The following LIN28B variants were observed in gnomAD, a reference collection of about 807,000 sequenced individuals.
LIN28B encodes lin-28 RNA binding posttranscriptional regulator B, also known as protein lin-28 homolog B.
LIN28B carries 5 observed loss-of-function variants against 21.9 expected under a neutral mutation model. The observed-to-expected ratio is 0.23, with a 90% CI of 0.12 to 0.48. The LOEUF is 0.48. LIN28B is among the 20% of genes least tolerant of loss of function. The probability of loss-of-function intolerance (pLI) is 0.98; values close to 1 mark genes in which losing one functional copy is unlikely to be tolerated. For synonymous variants in LIN28B, 109 were observed against 111.3 expected (o/e 0.98, Z 0.13); for missense variants, 245 against 310.5 (o/e 0.79, Z 1.58).
chr6:104,976,669 C>T (rs1770101654), intron 2 of LIN28B, among the ~76,000 whole-genome samples: 1 of 152,074 alleles, frequency 6.6e-6, no homozygotes, highest in Non-Finnish European at 1.5e-5. Context: ...TTGAGATGGG[C>T]CTTGGAAATA....
At chr6:105,033,517 C>A (rs1020120291) in intron 3 of LIN28B, among the ~76,000 whole-genome samples, 1 of 152,026 alleles carries the variant, frequency 6.6e-6, no homozygotes, top group East Asian at 1.9e-4. Context: ...CGTCCACTTA[C>A]AACTTTCTGG....
In LIN28B at chr6:105,070,591, A is replaced by ACCAC. The variant is rs1772311690; in HGVS notation, c.384-7822_384-7819dup. On this transcript the variant is annotated intron_variant, in intron 3 of 3. Transcript: ENST00000345080. ...GCAAAACTCTATCTCTATCAATAAA[A>ACCAC]CCACACACACACACACACACACACA... Among the ~76,000 whole-genome samples, 4 of 22,956 alleles carry ACCAC rather than the reference A, an allele frequency of 1.7e-4. No homozygotes were observed. The South Asian group carries it at 6.8e-3, about 39-fold the overall frequency. The allele number at this position is 22,956 out of a possible 152,430, so 15.1% of individuals were successfully genotyped here.
intron 3 of LIN28B, among the ~76,000 whole-genome samples, chr6:105,034,371 C>G (rs1156840708): frequency 6.6e-6 from 1 of 151,770 alleles, no homozygotes; most frequent in Non-Finnish European, 1.5e-5. Flanking sequence ...GTTTTTATAA[C>G]TACGTTAGTA....
intron 2 of LIN28B, among the ~76,000 whole-genome samples, chr6:104,993,117 T>C (rs1770528748): frequency 6.6e-6 from 1 of 152,174 alleles, no homozygotes; most frequent in Non-Finnish European, 1.5e-5. Context: ...CTTTAAAATA[T>C]TTTCTTTAAC....
At chr6:105,047,009 C>G (rs1771783359) in intron 3 of LIN28B, among the ~76,000 whole-genome samples, 1 of 152,148 alleles carries the variant, frequency 6.6e-6, no homozygotes, top group Non-Finnish European at 1.5e-5. Context: ...TGTGCAGAAG[C>G]TCTTTAGTTT....
At chr6:105,015,369 G>T (rs184709666) in intron 2 of LIN28B, among the ~76,000 whole-genome samples, 104 of 152,132 alleles carry the variant, frequency 6.8e-4, no homozygotes, top group African/African-American at 2.4e-3. Context: ...TTACATGATT[G>T]TCTTTTTCTG....
chr6:105,057,245 C>T (rs573659124), intron 3 of LIN28B, among the ~76,000 whole-genome samples: 6 of 152,258 alleles, frequency 3.9e-5, no homozygotes, highest in South Asian at 2.1e-4. Flanking sequence ...ATCAGCTATT[C>T]CCCATCACCT....
intron 2 of LIN28B, among the ~76,000 whole-genome samples, chr6:104,941,620 G>C (rs1052459258): frequency 6.6e-6 from 1 of 151,898 alleles, no homozygotes; most frequent in African/African-American, 2.4e-5. Context: ...TCCGCAAGCC[G>C]AACTGCTTTG....
At chr6:105,074,478 G>A (rs1366260626) in intron 3 of LIN28B, among the ~76,000 whole-genome samples, 4 of 152,044 alleles carry the variant, frequency 2.6e-5, no homozygotes, top group Admixed American at 6.6e-5. Flanking sequence ...GATTACAGGC[G>A]TGAGCCACCG....
intron 3 of LIN28B, among the ~76,000 whole-genome samples, chr6:105,067,592 T>G (rs1772244254): frequency 6.6e-6 from 1 of 152,092 alleles, no homozygotes; most frequent in African/African-American, 2.4e-5. Context: ...AACTTTTCCA[T>G]TAGCCAGAAC....
intron 2 of LIN28B, among the ~76,000 whole-genome samples, chr6:105,013,115 G>T (rs966230489): frequency 4.6e-5 from 7 of 151,830 alleles, no homozygotes; most frequent in African/African-American, 1.7e-4. Flanking sequence ...TCCCAGGTTC[G>T]ATTCTCCTGC....
intron 2 of LIN28B, among the ~76,000 whole-genome samples, chr6:105,003,627 C>T (rs1018763859): frequency 6.6e-6 from 1 of 152,062 alleles, no homozygotes; most frequent in African/African-American, 2.4e-5. Context: ...ATTCTCCTGC[C>T]TCAGCTTCCC....
At chr6:104,973,544 C>G (rs1344355029) in intron 2 of LIN28B, among the ~76,000 whole-genome samples, 1 of 152,168 alleles carries the variant, frequency 6.6e-6, no homozygotes, top group Admixed American at 6.5e-5. Flanking sequence ...CCCCCCACTC[C>G]CCTTTGGGAA....
chr6:105,070,846 A>T (rs1250530736), intron 3 of LIN28B, among the ~76,000 whole-genome samples: 10 of 151,968 alleles, frequency 6.6e-5, no homozygotes, highest in Non-Finnish European at 1.2e-4. Flanking sequence ...TTGTCAATTC[A>T]CTGTCTTCCC....
rs1292518812 is a variant in LIN28B at position 105,080,790 on chromosome 6, T to A, written c.*2007T>A. 1 of 152,618 alleles carries A rather than the reference T, an allele frequency of 6.6e-6. No individual in the cohort carries two copies. Among genetic ancestry groups the A allele is most frequent in the Non-Finnish European group, 1.5e-5 (1 of 68,044 alleles). 9.5% of individuals were successfully genotyped at this position (152,618 alleles called of 1,614,324 possible). On this transcript the variant is annotated 3_prime_UTR_variant, in exon 4 of 4. Coordinates refer to ENST00000345080, the MANE Select transcript of LIN28B (RefSeq NM_001004317.4). ...AGCGTTGCTCAATTTTTAGCAGGTATAATAAGCAGGTTAACAGTAAAAATG... is the reference window on the plus strand; with the variant it reads ...AGCGTTGCTCAATTTTTAGCAGGTAAAATAAGCAGGTTAACAGTAAAAATG...
intron 2 of LIN28B, among the ~76,000 whole-genome samples, chr6:104,975,088 G>A (rs1770060269): frequency 6.6e-6 from 1 of 152,104 alleles, no homozygotes; most frequent in African/African-American, 2.4e-5. Context: ...CCAAAGTGCT[G>A]AGATTACAGG....
At chr6:105,047,244 A>G (rs1244998830) in intron 3 of LIN28B, among the ~76,000 whole-genome samples, 1 of 152,180 alleles carries the variant, frequency 6.6e-6, no homozygotes, top group African/African-American at 2.4e-5. Flanking sequence ...ATGGCTAGCC[A>G]GTTTTCCCAG....
At chr6:104,940,680 CGCCCCGCGCTCCCCCACCCGGCTCA>C (rs1778073371) in intron 2 of LIN28B, among the ~76,000 whole-genome samples, 1 of 150,490 alleles carries the variant, frequency 6.6e-6, no homozygotes, top group African/African-American at 2.4e-5. Flanking sequence ...GCCGCCGCCG[CGCCCCGCGCTCCCCCACCCGGCTCA>C]GCCCCCTCCT....
chr6:105,009,067 G>T (rs561609609), intron 2 of LIN28B, among the ~76,000 whole-genome samples: 32 of 152,060 alleles, frequency 2.1e-4, no homozygotes, highest in African/African-American at 5.5e-4. Context: ...TGGTTTTTTT[G>T]TGTGTGTGAA....
Sources: gnomAD v4.1 joint callset for allele counts (sites outside exome capture counted in the v4.1 genomes callset) on GRCh38, gnomAD v4.1.1 for gene constraint, MANE v1.5 for transcripts, NCBI Gene and HGNC (gene_info 2026-07-23, HGNC 2026-07-21) for gene names.